Variants in EPHA6 observed in about 807,000 individuals in gnomAD.
EPHA6 encodes the protein ephrin type-A receptor 6.
Under a neutral mutation model 112.0 loss-of-function variants are expected in EPHA6, and 50 were observed. The observed-to-expected ratio is 0.45, with a 90% CI of 0.36 to 0.56. The LOEUF is 0.56. Among genes scored for constraint, EPHA6 ranks in the 20% least tolerant of loss-of-function variants. The pLI, the probability that EPHA6 is intolerant of heterozygous loss-of-function variation, is 0.00. For missense variants in EPHA6, 1,280 were observed against 1,417.4 expected, an observed-to-expected ratio of 0.90 and a Z score of 1.56; for synonymous variants, 529 against 490.7, an observed-to-expected ratio of 1.08 and a Z score of -1.03.
chr3:97,170,837 T>G (rs541090389), intron 3 of EPHA6, among the ~76,000 whole-genome samples: 18 of 152,302 alleles, frequency 1.2e-4, no homozygotes, highest in Admixed American at 9.2e-4. Context: ...CTCTTCATAT[T>G]GATACACTTT....
intron 2 of EPHA6, among the ~76,000 whole-genome samples, chr3:96,903,314 G>A (rs906882860): frequency 6.6e-6 from 1 of 152,042 alleles, no homozygotes; most frequent in African/African-American, 2.4e-5. Flanking sequence ...ACAAAGAGGT[G>A]TCATTCTCCT....
chr3:97,093,417 GC>G (rs1302639933), intron 3 of EPHA6, among the ~76,000 whole-genome samples: 1 of 151,148 alleles, frequency 6.6e-6, no homozygotes, highest in Non-Finnish European at 1.5e-5. Flanking sequence ...GGTCATGATG[GC>G]ATGTGCCTGT....
At chr3:97,599,261 T>C (rs1430942759) in intron 12 of EPHA6, among the ~76,000 whole-genome samples, 2 of 149,938 alleles carry the variant, frequency 1.3e-5, no homozygotes, top group Non-Finnish European at 3.0e-5. Context: ...GCAGAAGCTC[T>C]TTAGTTTAAT....
chr3:96,817,494 CATAAAA>C (rs1156690457), intron 1 of EPHA6, among the ~76,000 whole-genome samples: 4 of 151,656 alleles, frequency 2.6e-5, no homozygotes, highest in Non-Finnish European at 5.9e-5. Flanking sequence ...TTATTATACA[CATAAAA>C]ATAAACAGTA....
intron 10 of EPHA6, among the ~76,000 whole-genome samples, chr3:97,492,974 C>CTTTT (rs373733285): frequency 1.0e-3 from 134 of 130,906 alleles, no homozygotes; most frequent in African/African-American, 3.5e-3. Flanking sequence ...TAAGCTTTTC[C>CTTTT]TTTTTTTTTT....
At chr3:97,179,720 T>C (rs2076934100) in intron 3 of EPHA6, among the ~76,000 whole-genome samples, 1 of 50,362 alleles carries the variant, frequency 2.0e-5, no homozygotes, top group Non-Finnish European at 5.0e-5. Context: ...CTACAGAGTC[T>C]CTCTCTCTCT....
chr3:97,649,370 G>A lies in EPHA6; in HGVS notation c.2784+11288G>A, dbSNP rs528192246. ...CTCCACCTGGCCCCACCCTTGACAC[G>A]TGGGGATTATTACAACTCAGGGTGA... On this transcript the variant is annotated intron_variant, in intron 14 of 17. Coordinates refer to ENST00000389672, the MANE Select transcript of EPHA6 (RefSeq NM_001080448.3). 1.7e-3 allele frequency among the ~76,000 whole-genome samples: 264 copies of A among 152,132 alleles called. 1 individual carries two copies. The highest frequency in any genetic ancestry group is 3.4e-3 in the Middle Eastern group (1 of 294).
chr3:97,480,404 G>A (rs2091497849), intron 9 of EPHA6, among the ~76,000 whole-genome samples: 1 of 151,810 alleles, frequency 6.6e-6, no homozygotes, highest in Admixed American at 6.6e-5. Flanking sequence ...TGTGTCCCTG[G>A]GTACTTGAGA....
chr3:97,639,228 AG>A (rs531316971), intron 14 of EPHA6, among the ~76,000 whole-genome samples: 75 of 152,140 alleles, frequency 4.9e-4, no homozygotes, highest in Middle Eastern at 3.8e-3. Context: ...TTAACCAAAA[AG>A]CTTCATAAAA....
In EPHA6 at chr3:97,324,425, C is replaced by CTTTCTT. The variant is rs763881873; in HGVS notation, c.1606+80140_1606+80145dup. Among the ~76,000 whole-genome samples, 24 of 143,414 alleles carry CTTTCTT rather than the reference C, an allele frequency of 1.7e-4. No homozygotes were observed. In the South Asian group the frequency reaches 2.5e-3, roughly 15 times the overall value. 94.1% of individuals were successfully genotyped at this position (143,414 alleles called of 152,430 possible). On this transcript the variant is annotated intron_variant, in intron 5 of 17. Coordinates refer to ENST00000389672, the MANE Select transcript of EPHA6 (RefSeq NM_001080448.3). The stretch of plus-strand genomic sequence containing the variant: ...CCTTCTTTTCTTTCTTTCTTTCTTT[C>CTTTCTT]TTTCTTTCTTTCTTTCTTTCTTTCT...
intron 10 of EPHA6, among the ~76,000 whole-genome samples, chr3:97,526,345 G>A (rs865866609): frequency 3.9e-5 from 6 of 152,334 alleles, no homozygotes; most frequent in Middle Eastern, 6.8e-3. Context: ...CAGGGAAACA[G>A]ACAGGCATGT....
intron 5 of EPHA6, among the ~76,000 whole-genome samples, chr3:97,298,804 C>T (rs1203469873): frequency 2.0e-5 from 3 of 151,866 alleles, no homozygotes; most frequent in Non-Finnish European, 4.4e-5. Flanking sequence ...CCAATCTCTA[C>T]CAAATCACCA....
At chr3:96,900,203 A>T (rs1257790052) in intron 2 of EPHA6, among the ~76,000 whole-genome samples, 1 of 152,194 alleles carries the variant, frequency 6.6e-6, no homozygotes, top group Non-Finnish European at 1.5e-5. Context: ...GCCTCATCAC[A>T]GAATAAAGTA....
intron 2 of EPHA6, among the ~76,000 whole-genome samples, chr3:96,964,970 A>G (rs1198335206): frequency 6.6e-6 from 1 of 152,202 alleles, no homozygotes; most frequent in African/African-American, 2.4e-5. Flanking sequence ...CAGAAAATTC[A>G]GAGAGACTCC....
Position 97,543,892 on chromosome 3 carries a change from T to A in EPHA6, c.2386+11349T>A, listed in dbSNP as rs1344887416. On this transcript the variant is annotated intron_variant, in intron 11 of 17. Coordinates refer to ENST00000389672, the MANE Select transcript of EPHA6 (RefSeq NM_001080448.3). ...GGAGTTCACTCATGATTTGGCTCTC[T>A]GTCTGTTATTGGTGTATAAGAATGC... is the stretch of plus-strand genomic sequence containing the variant. 2.0e-5 allele frequency among the ~76,000 whole-genome samples: 3 copies of A among 152,098 alleles called. No homozygotes were observed. The East Asian group carries it at 5.8e-4, about 29-fold the overall frequency.
chr3:96,839,410 G>A (rs1451367730), intron 1 of EPHA6, among the ~76,000 whole-genome samples: 1 of 151,984 alleles, frequency 6.6e-6, no homozygotes, highest in Non-Finnish European at 1.5e-5. Flanking sequence ...TTTCATCCTG[G>A]AACCATTCCC....
chr3:97,716,046 C>T (rs888669622), intron 14 of EPHA6, among the ~76,000 whole-genome samples: 1 of 152,142 alleles, frequency 6.6e-6, no homozygotes, highest in African/African-American at 2.4e-5. Flanking sequence ...TTTTCTCTCT[C>T]ATAAACATAT....
chr3:97,419,738 C>A (rs995499334), intron 6 of EPHA6, among the ~76,000 whole-genome samples: 1 of 151,640 alleles, frequency 6.6e-6, no homozygotes. Flanking sequence ...AATAAAAAAA[C>A]AAAGACAAAA....
At chr3:96,984,913 G>A (rs1435070906) in intron 2 of EPHA6, among the ~76,000 whole-genome samples, 1 of 152,204 alleles carries the variant, frequency 6.6e-6, no homozygotes, top group Admixed American at 6.5e-5. Context: ...ACAGTATTAG[G>A]GTGGGAGTGA....
Sources: allele counts gnomAD v4.1 joint callset (sites outside exome capture counted in the v4.1 genomes callset), GRCh38; gene constraint gnomAD v4.1.1; transcripts MANE v1.5; gene names NCBI Gene and HGNC (gene_info 2026-07-23, HGNC 2026-07-21).